CASQ2: variants seen among roughly 807,000 people sequenced by gnomAD.
CASQ2 encodes the protein calsequestrin-2.
A neutral mutation model predicts 46.5 loss-of-function variants in CASQ2; 49 were observed. That is an observed-to-expected ratio of 1.05 (90% confidence interval 0.84 to 1.34). The LOEUF (loss-of-function observed/expected upper bound fraction) is 1.34, where lower values mean the gene tolerates loss of function less well. Ranked by LOEUF, CASQ2 falls within the 40% of genes most tolerant of loss-of-function variation. The pLI is 0.00. For synonymous variants in CASQ2, 174 were observed against 168.5 expected, an observed-to-expected ratio of 1.03 and a Z score of -0.25; for missense variants, 486 against 481.3, an observed-to-expected ratio of 1.01 and a Z score of -0.09.
chr1:115,711,436 C>T (rs1415679934), intron 8 of CASQ2, among the ~76,000 whole-genome samples: 1 of 152,142 alleles, frequency 6.6e-6, no homozygotes, highest in East Asian at 1.9e-4. Context: ...GAACAGCTGC[C>T]ACATGACTTC....
chr1:115,753,934 C>T (rs1648670013), intron 1 of CASQ2, among the ~76,000 whole-genome samples: 1 of 152,018 alleles, frequency 6.6e-6, no homozygotes, highest in South Asian at 2.1e-4. Context: ...TCACAGATCT[C>T]TGCTCCAAGT....
In CASQ2 at chr1:115,733,046, G is replaced by T. The variant is rs931551564; in HGVS notation, c.533-72C>A. 12 of 1,090,056 alleles carry T rather than the reference G, an allele frequency of 1.1e-5. No homozygotes were observed. In the African/African-American group the frequency reaches 1.4e-4, roughly 13 times the overall value. 67.5% of individuals were successfully genotyped at this position (1,090,056 alleles called of 1,614,324 possible). ...CACAGAAGAATCTTCTTTTTAAATG[G>T]TGTAGAGAGTAGAAAGCCAATTAAT... On this transcript the variant is annotated intron_variant, in intron 4 of 10. Coordinates refer to ENST00000261448, the MANE Select transcript of CASQ2 (RefSeq NM_001232.4).
At chr1:115,755,190 A>T (rs1286111775) in intron 1 of CASQ2, among the ~76,000 whole-genome samples, 1 of 152,244 alleles carries the variant, frequency 6.6e-6, no homozygotes, top group Non-Finnish European at 1.5e-5. Flanking sequence ...TTATCTAAAA[A>T]TATTATTGCA....
chr1:115,745,248 C>T (rs1373079263), intron 1 of CASQ2, among the ~76,000 whole-genome samples: 2 of 152,116 alleles, frequency 1.3e-5, no homozygotes, highest in Non-Finnish European at 2.9e-5. Flanking sequence ...GCATGGGTGC[C>T]TGACAAGGGG....
chr1:115,733,547 T>A (rs1647862226), intron 4 of CASQ2, among the ~76,000 whole-genome samples: 1 of 152,234 alleles, frequency 6.6e-6, no homozygotes. Context: ...GAGGATTTCT[T>A]AAACTTAATC....
intron 4 of CASQ2, among the ~76,000 whole-genome samples, chr1:115,736,357 T>G (rs1647959598): frequency 6.6e-6 from 1 of 151,712 alleles, no homozygotes; most frequent in Non-Finnish European, 1.5e-5. Flanking sequence ...ATATCCTGGG[T>G]TGGGCACAGT....
At chr1:115,726,953 G>GCCCCCCCCCC in intron 6 of CASQ2, 39 bp downstream of exon 6, 1 of 607,798 alleles carries the variant, frequency 1.6e-6, no homozygotes, top group Non-Finnish European at 3.1e-6. Context: ...CCATTCCCCA[G>GCCCCCCCCCC]ACCCCAGGCC....
chr1:115,757,852 AAGG>A (rs1648816111), intron 1 of CASQ2, among the ~76,000 whole-genome samples: 1 of 152,232 alleles, frequency 6.6e-6, no homozygotes, highest in Non-Finnish European at 1.5e-5. Context: ...AAAAGAGATC[AAGG>A]AGAAGTATAT....
chr1:115,768,582 G>C lies in CASQ2; in HGVS notation c.-41C>G. On this transcript the variant is annotated 5_prime_UTR_variant, in exon 1 of 11. Transcript: ENST00000261448. ...TTTCTCGTTCCCAAATATGCTGTGT[G>C]CAGAATAGAGGACAGAAGACTGTTA... 8.1e-7 allele frequency: 1 copy of C among 1,238,930 alleles called. No homozygotes were observed. Among genetic ancestry groups the C allele is most frequent in the South Asian group, 1.2e-5 (1 of 81,542 alleles). The allele number at this position is 1,238,930 out of a possible 1,614,324, so 76.7% of individuals were successfully genotyped here.
chr1:115,739,318 T>G (rs972931500), intron 3 of CASQ2, among the ~76,000 whole-genome samples: 5 of 151,712 alleles, frequency 3.3e-5, no homozygotes, highest in South Asian at 2.1e-4. Context: ...GGTTTCACCG[T>G]ATTAGCCAGG....
chr1:115,717,640 A>T (rs930811693), intron 8 of CASQ2, among the ~76,000 whole-genome samples, 200 bp downstream of exon 8: 1 of 152,172 alleles, frequency 6.6e-6, no homozygotes, highest in Non-Finnish European at 1.5e-5. Context: ...TAACATTCTG[A>T]TTTGTTCACA....
At chr1:115,706,445 G>T (rs1037384650) in intron 8 of CASQ2, among the ~76,000 whole-genome samples, 6 of 152,118 alleles carry the variant, frequency 3.9e-5, no homozygotes, top group African/African-American at 1.4e-4. Context: ...ACTTGAACAG[G>T]TAACGATGAC....
intron 8 of CASQ2, among the ~76,000 whole-genome samples, chr1:115,714,215 T>C (rs1043686853): frequency 6.6e-6 from 1 of 152,132 alleles, no homozygotes; most frequent in Non-Finnish European, 1.5e-5. Context: ...GCCTTCCTCA[T>C]GGGGTTCTTG....
Position 115,732,982 on chromosome 1 carries a change from G to GA in CASQ2, c.533-9dup. ...CTTCAAAAGCCTTGTAGTCTAAGGG[G>GA]AAAAATAAAGATGAAGGGAGAGACA... On this transcript the variant is annotated splice_polypyrimidine_tract_variant and intron_variant, in intron 4 of 10. Coordinates refer to ENST00000261448, the MANE Select transcript of CASQ2 (RefSeq NM_001232.4). 1 of 1,597,538 alleles carries GA rather than the reference G, an allele frequency of 6.3e-7. No homozygotes were observed. Among genetic ancestry groups the GA allele is most frequent in the Non-Finnish European group, 8.6e-7 (1 of 1,165,410 alleles).
chr1:115,722,447 T>C (rs750152022), intron 7 of CASQ2, among the ~76,000 whole-genome samples: 3 of 152,174 alleles, frequency 2.0e-5, no homozygotes, highest in Non-Finnish European at 4.4e-5. Context: ...ACAGGGAGTA[T>C]TTCTGTAGCA....
intron 1 of CASQ2, among the ~76,000 whole-genome samples, chr1:115,757,979 T>A (rs1648818713): frequency 6.6e-6 from 1 of 152,216 alleles, no homozygotes; most frequent in African/African-American, 2.4e-5. Flanking sequence ...GCCCATTGGC[T>A]CGCATTAGTC....
chr1:115,705,659 C>T (rs1209810727), intron 8 of CASQ2, among the ~76,000 whole-genome samples: 1 of 152,128 alleles, frequency 6.6e-6, no homozygotes, highest in South Asian at 2.1e-4. Context: ...CTTTGCTGTC[C>T]CCTAGAGTCC....
At chr1:115,708,048 G>A (rs550939707) in intron 8 of CASQ2, among the ~76,000 whole-genome samples, 3 of 152,252 alleles carry the variant, frequency 2.0e-5, no homozygotes, top group African/African-American at 7.2e-5. Flanking sequence ...TTCATCAAAA[G>A]GAATGTGGTA....
At chr1:115,720,245 C>T (rs988977913) in intron 7 of CASQ2, among the ~76,000 whole-genome samples, 6 of 152,048 alleles carry the variant, frequency 3.9e-5, no homozygotes, top group African/African-American at 1.4e-4. Flanking sequence ...GAAGTCAAGG[C>T]GCCGGCAGAT....
Sources: allele counts gnomAD v4.1 joint callset (sites outside exome capture counted in the v4.1 genomes callset), GRCh38; gene constraint gnomAD v4.1.1; transcripts MANE v1.5; gene names NCBI Gene and HGNC (gene_info 2026-07-23, HGNC 2026-07-21).